SPATS2: variants seen among roughly 807,000 people sequenced by gnomAD.
SPATS2 encodes the protein spermatogenesis-associated serine-rich protein 2.
Under a neutral mutation model 63.7 loss-of-function variants are expected in SPATS2, and 38 were observed. That is an observed-to-expected ratio of 0.60 (90% CI 0.46 to 0.78). The LOEUF (loss-of-function observed/expected upper bound fraction) is 0.78, where lower values mean the gene tolerates loss of function less well. Among genes scored for constraint, SPATS2 ranks in the 30% least tolerant of loss-of-function variants. The pLI, the probability that SPATS2 is intolerant of heterozygous loss-of-function variation, is 0.00. For synonymous variants in SPATS2, 207 were observed against 232.9 expected, an observed-to-expected ratio of 0.89 and a Z score of 1.01; for missense variants, 588 against 666.2, an observed-to-expected ratio of 0.88 and a Z score of 1.29.
intron 3 of SPATS2, among the ~76,000 whole-genome samples, chr12:49,461,847 G>A (rs926368243): frequency 1.3e-5 from 2 of 152,156 alleles, no homozygotes; most frequent in African/African-American, 4.8e-5. Flanking sequence ...TCATTGTGTA[G>A]TAAATCTATA....
chr12:49,424,132 G>A (rs1466942166), intron 2 of SPATS2, among the ~76,000 whole-genome samples: 1 of 152,142 alleles, frequency 6.6e-6, no homozygotes, highest in African/African-American at 2.4e-5. Context: ...GAACCCGAGA[G>A]GTGGAGGTTG....
At chr12:49,490,970 C>T (rs1946372459) in intron 6 of SPATS2, 3 of 351,508 alleles carry the variant, frequency 8.5e-6, no homozygotes, top group South Asian at 7.9e-5. Context: ...GGTGAAGTCC[C>T]GTCTCTACTA....
At chr12:49,485,287 C>T (rs1946272006) in intron 4 of SPATS2, among the ~76,000 whole-genome samples, 1 of 151,870 alleles carries the variant, frequency 6.6e-6, no homozygotes, top group Non-Finnish European at 1.5e-5. Flanking sequence ...ATCTCCTGAC[C>T]TCGTAATCTG....
intron 2 of SPATS2, chr12:49,454,178 A>C (rs1945677353): frequency 6.6e-6 from 1 of 152,134 alleles, no homozygotes; most frequent in Non-Finnish European, 1.5e-5. Context: ...TAGCATTTTT[A>C]TAAGTAGCTA....
At chr12:49,500,931 C>A (rs900831191) in intron 9 of SPATS2, among the ~76,000 whole-genome samples, 2 of 151,886 alleles carry the variant, frequency 1.3e-5, no homozygotes, top group African/African-American at 4.8e-5. Context: ...AATAAAGTGC[C>A]CTTTTATTAA....
chr12:49,418,907 G>A (rs1388622664), intron 2 of SPATS2, among the ~76,000 whole-genome samples: 1 of 152,210 alleles, frequency 6.6e-6, no homozygotes, highest in Non-Finnish European at 1.5e-5. Context: ...GGTACTTTCA[G>A]ATCTTGAACT....
intron 2 of SPATS2, among the ~76,000 whole-genome samples, chr12:49,396,362 G>A (rs1205643849): frequency 6.6e-6 from 1 of 152,068 alleles, no homozygotes; most frequent in Admixed American, 6.5e-5. Context: ...TGTCTTCATC[G>A]TGTTCTTATT....
chr12:49,376,709 ATTTTTTTTT>A (rs33952223), intron 2 of SPATS2, among the ~76,000 whole-genome samples: 4 of 55,770 alleles, frequency 7.2e-5, no homozygotes, highest in Non-Finnish European at 1.2e-4. Flanking sequence ...TGTTTTGTTG[ATTTTTTTTT>A]TTTTTTTTTT....
At chr12:49,475,347 C>T (rs1946099728) in intron 3 of SPATS2, among the ~76,000 whole-genome samples, 1 of 152,204 alleles carries the variant, frequency 6.6e-6, no homozygotes, top group African/African-American at 2.4e-5. Flanking sequence ...TTCTGACTTA[C>T]AGAATTGAAT....
intron 2 of SPATS2, among the ~76,000 whole-genome samples, chr12:49,392,213 A>G (rs1230033410): frequency 6.7e-6 from 1 of 150,110 alleles, no homozygotes; most frequent in African/African-American, 2.4e-5. Flanking sequence ...TTTGATTGTT[A>G]TTTAGTGACA....
chr12:49,442,998 TACA>T (rs1741033588), intron 2 of SPATS2, among the ~76,000 whole-genome samples: 1 of 152,146 alleles, frequency 6.6e-6, no homozygotes, highest in Non-Finnish European at 1.5e-5. Context: ...GTGGAATCCT[TACA>T]ACATTTGTCC....
chr12:49,491,143 C>CAA (rs1208429592), intron 6 of SPATS2: 12 of 111,204 alleles, frequency 1.1e-4, no homozygotes, highest in South Asian at 2.8e-4. Flanking sequence ...GACTCCATCT[C>CAA]AAAAAAAAAA....
At chr12:49,490,419 T>C (rs1465424787) in intron 5 of SPATS2, 1 of 414,514 alleles carries the variant, frequency 2.4e-6, no homozygotes, top group Non-Finnish European at 4.3e-6. Context: ...ATCTTCAAAA[T>C]GGCCCAGCTA....
chr12:49,450,699 A>G (rs1242878152), intron 2 of SPATS2, among the ~76,000 whole-genome samples: 1 of 151,634 alleles, frequency 6.6e-6, no homozygotes, highest in East Asian at 1.9e-4. Context: ...ATGCGTCACC[A>G]TGCCCAGCTA....
chr12:49,468,764 G>A (rs931221386), intron 3 of SPATS2, among the ~76,000 whole-genome samples: 1 of 152,068 alleles, frequency 6.6e-6, no homozygotes, highest in Non-Finnish European at 1.5e-5. Context: ...GGTGTGAACC[G>A]CCACACTGGG....
At chr12:49,520,015 T>C (rs1322306120) in intron 11 of SPATS2, among the ~76,000 whole-genome samples, 1 of 151,580 alleles carries the variant, frequency 6.6e-6, no homozygotes, top group Non-Finnish European at 1.5e-5. Context: ...GTTTCGCTCT[T>C]GTTGCCCAGG....
At chr12:49,449,435 C>T (rs531273041) in intron 2 of SPATS2, among the ~76,000 whole-genome samples, 41 of 152,240 alleles carry the variant, frequency 2.7e-4, no homozygotes, top group African/African-American at 9.4e-4. Context: ...AGGCTGATCT[C>T]GAACTCCTGA....
intron 2 of SPATS2, among the ~76,000 whole-genome samples, chr12:49,437,033 G>C (rs940773594): frequency 6.6e-6 from 1 of 152,008 alleles, no homozygotes; most frequent in African/African-American, 2.4e-5. Flanking sequence ...CCTCCCAGAC[G>C]GGGTGGCTGC....
At chr12:49,470,523 G>A (rs1946016589) in intron 3 of SPATS2, among the ~76,000 whole-genome samples, 1 of 151,972 alleles carries the variant, frequency 6.6e-6, no homozygotes, top group African/African-American at 2.4e-5. Flanking sequence ...TTGTGGTTTT[G>A]GTACAAATTA....
Sources: gnomAD v4.1 joint callset for allele counts (sites outside exome capture counted in the v4.1 genomes callset) on GRCh38, gnomAD v4.1.1 for gene constraint, MANE v1.5 for transcripts, NCBI Gene and HGNC (gene_info 2026-07-23, HGNC 2026-07-21) for gene names.